The following TNFRSF18 variants were observed in gnomAD, a reference collection of about 807,000 sequenced individuals.
TNFRSF18 encodes the protein TNF receptor superfamily member 18.
Under a neutral mutation model 30.2 loss-of-function variants are expected in TNFRSF18, and 36 were observed. The observed-to-expected ratio is 1.19, with a 90% CI of 0.91 to 1.58. TNFRSF18 has a LOEUF of 1.58. Ranked by LOEUF, TNFRSF18 falls within the 40% of genes most tolerant of loss-of-function variation. The pLI is 0.00. For synonymous variants in TNFRSF18, 173 were observed against 158.3 expected, an observed-to-expected ratio of 1.09 and a Z score of -0.70; for missense variants, 369 against 345.4, an observed-to-expected ratio of 1.07 and a Z score of -0.54.
At chr1:1,204,907 C>T (rs1228441369) in intron 2 of TNFRSF18, among the ~76,000 whole-genome samples, 1 of 152,174 alleles carries the variant, frequency 6.6e-6, no homozygotes, top group East Asian at 1.9e-4. Context: ...CCCAGTTGTA[C>T]CTTCTCCCAG....
Position 1,204,025 on chromosome 1 carries a change from G to C in TNFRSF18, c.601+9C>G. 1 of 1,608,154 alleles carries C rather than the reference G, an allele frequency of 6.2e-7. No individual in the cohort carries two copies. The highest frequency in any genetic ancestry group is 1.1e-5 in the South Asian group (1 of 90,330). On this transcript the variant is annotated intron_variant, in intron 4 of 4. Transcript: ENST00000379268. ...TGCTCCCACCTCCCCGCACCAGGCT[G>C]TGACAGACCTCGGGGCCACATGCAC...
At chr1:1,205,226 A>ATGGCC in intron 2 of TNFRSF18, 144 bp downstream of exon 2, 6 of 1,252,982 alleles carry the variant, frequency 4.8e-6, no homozygotes, top group Non-Finnish European at 5.6e-6. Context: ...GTGCCTGAGC[A>ATGGCC]TGGCCTGGCC....
chr1:1,203,587 C>T lies in TNFRSF18; in HGVS notation c.*257G>A, dbSNP rs776544658. The T allele has an allele frequency of 8.4e-5, 126 of 1,499,950 alleles. No individual in the cohort carries two copies. The highest frequency in any genetic ancestry group is 9.3e-5 in the Non-Finnish European group (105 of 1,133,064). 92.9% of individuals were successfully genotyped at this position (1,499,950 alleles called of 1,614,324 possible). Reference sequence around the variant, plus strand: ...CTGCACACCCACGGACACAGCCTCCCGTCCTAAGACCCCACCCCATCAGGG... The same window carrying T: ...CTGCACACCCACGGACACAGCCTCCTGTCCTAAGACCCCACCCCATCAGGG... On this transcript the variant is annotated 3_prime_UTR_variant, in exon 5 of 5. Coordinates refer to ENST00000379268, the MANE Select transcript of TNFRSF18 (RefSeq NM_004195.3).
In TNFRSF18 at chr1:1,203,629, G is replaced by C. The variant is rs1400227889; in HGVS notation, c.*215C>G. 6.5e-7 allele frequency: 1 copy of C among 1,537,730 alleles called. No homozygotes were observed. Among genetic ancestry groups the C allele is most frequent in the African/African-American group, 1.4e-5 (1 of 73,036 alleles). On this transcript the variant is annotated 3_prime_UTR_variant, in exon 5 of 5. Transcript: ENST00000379268. ...CCATCAGGGCCAGCAAGGGAGGAAG[G>C]GGGCCATGACTGTGTCTCTCTCTCC...
At chr1:1,205,267 ACAC>A in intron 2 of TNFRSF18, 100 bp downstream of exon 2, 5 of 1,526,864 alleles carry the variant, frequency 3.3e-6, no homozygotes, top group Non-Finnish European at 4.4e-6. Context: ...CGGACCCCAC[ACAC>A]CACATGTCCT....
Position 1,203,533 on chromosome 1 carries a change from T to C in TNFRSF18, c.*311A>G, listed in dbSNP as rs3819001. On this transcript the variant is annotated 3_prime_UTR_variant, in exon 5 of 5. Transcript: ENST00000379268. ...TCACTGGACAAGTGTTTATTGAAGG[T>C]CCCCTGCAGCCGGGTCCCGTGCTGG... 0.081 allele frequency: 116,466 copies of C among 1,432,278 alleles called. 9,347 individuals are homozygous for C. Among genetic ancestry groups the C allele is most frequent in the African/African-American group, 0.42 (28,907 of 68,708 alleles). The allele number at this position is 1,432,278 out of a possible 1,614,324, so 88.7% of individuals were successfully genotyped here.
At chr1:1,204,667 C>T (rs532816378) in intron 2 of TNFRSF18, among the ~76,000 whole-genome samples, 181 bp from the exon 3 acceptor site, 68 of 152,146 alleles carry the variant, frequency 4.5e-4, no homozygotes, top group Non-Finnish European at 8.1e-4. Flanking sequence ...GTCTGCCCGT[C>T]CCAGGTGGGG....
intron 2 of TNFRSF18, 70 bp downstream of exon 2, chr1:1,205,300 C>G: frequency 6.4e-7 from 1 of 1,561,718 alleles, no homozygotes; most frequent in Non-Finnish European, 8.7e-7. Flanking sequence ...CCTGTGCCCA[C>G]GAGCTCTGCC....
chr1:1,204,055 T>C lies in TNFRSF18; in HGVS notation c.580A>G (p.Ser194Gly), dbSNP rs1266913762. The C allele has an allele frequency of 4.4e-6, 7 of 1,605,760 alleles. No individual in the cohort carries two copies. The highest frequency in any genetic ancestry group is 5.9e-6 in the Non-Finnish European group (7 of 1,177,002). ...AGACCTCGGGGCCACATGCACTGAC[T>C]CCTCAGCTGCCAGATGTGCAGTCCA... Reference protein sequence around the residue: ...QLGLHIWQLRSQCMWPRETQL... With the variant: ...QLGLHIWQLRGQCMWPRETQL... The change falls in exon 4 of 5, where the codon AGT (serine) becomes GGT (glycine). Residue 194 changes from serine (S) to glycine (G), a missense_variant. Ser to Gly is a moderately conservative substitution (Grantham distance 56). Coordinates refer to ENST00000379268, the MANE Select transcript of TNFRSF18 (RefSeq NM_004195.3).
chr1:1,206,065 G>C (rs960573339), intron 1 of TNFRSF18, among the ~76,000 whole-genome samples: 1 of 152,340 alleles, frequency 6.6e-6, no homozygotes, highest in Middle Eastern at 3.4e-3. Flanking sequence ...AGGGGGCTGG[G>C]CGATGGCCAA....
In TNFRSF18 at chr1:1,203,853, C is replaced by A; in HGVS notation, c.717G>T (p.Leu239=). The change falls in exon 5 of 5, where the codon CTG becomes CTT. Residue 239 remains leucine, a synonymous_variant. Coordinates refer to ENST00000379268, the MANE Select transcript of TNFRSF18 (RefSeq NM_004195.3). Reference sequence around the variant, plus strand: ...CGGAGGACGGCCAGGCTCACACCCACAGGTCTCCCAGCCGCCCCTTCTCCT... The same window carrying A: ...CGGAGGACGGCCAGGCTCACACCCAAAGGTCTCCCAGCCGCCCCTTCTCCT... ...SAEEKGRLGD[L]WV 6.3e-7 allele frequency: 1 copy of A among 1,594,382 alleles called. No individual in the cohort carries two copies. Among genetic ancestry groups the A allele is most frequent in the Non-Finnish European group, 8.5e-7 (1 of 1,175,226 alleles).
In TNFRSF18 at chr1:1,206,559, C is replaced by G. The variant is rs771923143; in HGVS notation, c.13G>C (p.Gly5Arg). The G allele has an allele frequency of 2.7e-6, 4 of 1,506,744 alleles. No individual in the cohort carries two copies. The highest frequency in any genetic ancestry group is 2.6e-5 in the South Asian group (2 of 76,576). The allele number at this position is 1,506,744 out of a possible 1,614,324, so 93.3% of individuals were successfully genotyped here. A position where few individuals can be genotyped will look rare whatever the true frequency, so the allele number is the denominator to read the frequency against. MAQH[G>R]AMGAFRALCG... ...AGGGCCCGAAACGCGCCCATCGCCCCGTGCTGTGCCATGCTCGGGTTTCAA... is the reference window on the plus strand; with the variant it reads ...AGGGCCCGAAACGCGCCCATCGCCCGGTGCTGTGCCATGCTCGGGTTTCAA... Residue 5 changes from glycine to arginine, a missense_variant, in exon 1 of 5, where the codon GGG becomes CGG. Coordinates refer to ENST00000379268, the MANE Select transcript of TNFRSF18 (RefSeq NM_004195.3).
intron 3 of TNFRSF18, 49 bp from the exon 4 acceptor site, chr1:1,204,285 G>T (rs773743251): frequency 1.9e-5 from 30 of 1,593,430 alleles, no homozygotes; most frequent in Non-Finnish European, 2.4e-5. Context: ...CACGGCCTCC[G>T]ATCAGCCCCC....
chr1:1,204,268 C>T (rs370333027), intron 3 of TNFRSF18, 32 bp from the exon 4 acceptor site: 57 of 1,598,620 alleles, frequency 3.6e-5, no homozygotes, highest in Non-Finnish European at 4.4e-5. Context: ...TCCTATCAGC[C>T]CCCGGACACG....
intron 1 of TNFRSF18, 44 bp from the exon 2 acceptor site, chr1:1,205,536 C>G (rs1166996679): frequency 2.5e-6 from 4 of 1,592,040 alleles, no homozygotes; most frequent in Non-Finnish European, 3.4e-6. Flanking sequence ...GGGCTGAGGC[C>G]CCCTCCTCCC....
In TNFRSF18 at chr1:1,203,797, C is replaced by A; in HGVS notation, c.*47G>T. The A allele has an allele frequency of 6.4e-7, 1 of 1,573,356 alleles. No individual in the cohort carries two copies. The highest frequency in any genetic ancestry group is 8.6e-7 in the Non-Finnish European group (1 of 1,165,782). ...AGAGCCCCTGCGGCCTGGGGAGCTC[C>A]TGGGGAGGGGCTGGCTGCGGTCGGT... On this transcript the variant is annotated 3_prime_UTR_variant, in exon 5 of 5. Transcript: ENST00000379268.
At position 1,204,440 on chromosome 1, in the gene TNFRSF18, G is replaced by A. The variant is rs1648711383; in HGVS notation, c.357C>T (p.Thr119=). Residue 119 remains threonine, a synonymous_variant, in exon 3 of 5, where the codon ACC becomes ACT. Coordinates refer to ENST00000379268, the MANE Select transcript of TNFRSF18 (RefSeq NM_004195.3). ...GFQCIDCASG[T]FSGGHEGHCK... ...AGTGGCCTTCGTGGCCCCCGGAGAAGGTCCCCGAGGCACAGTCGATACACT... is the reference window on the plus strand; with the variant it reads ...AGTGGCCTTCGTGGCCCCCGGAGAAAGTCCCCGAGGCACAGTCGATACACT... The A allele has an allele frequency of 6.2e-7, 1 of 1,612,620 alleles. No homozygotes were observed. The highest frequency in any genetic ancestry group is 1.1e-5 in the South Asian group (1 of 91,084).
rs1228284986 is a variant in TNFRSF18, at chr1:1,204,104, G to A, written c.531C>T (p.Val177=). ...CAAGCTGGGCCGAGGTCAGGAGGAG[G>A]ACGCAGGCGGCCACGGCCAGGAGGA... ...TVVLLAVAAC[V]LLLTSAQLGL... Residue 177 remains valine, a synonymous_variant, in exon 4 of 5, where the codon GTC becomes GTT. Transcript: ENST00000379268. The A allele has an allele frequency of 1.2e-6, 2 of 1,610,118 alleles. No homozygotes were observed. The highest frequency in any genetic ancestry group is 2.2e-5 in the South Asian group (2 of 90,614).
Position 1,203,601 on chromosome 1 carries a change from A to C in TNFRSF18, c.*243T>G. On this transcript the variant is annotated 3_prime_UTR_variant, in exon 5 of 5. Transcript: ENST00000379268. ...ACACAGCCTCCCGTCCTAAGACCCC[A>C]CCCCATCAGGGCCAGCAAGGGAGGA... 1.3e-6 allele frequency: 2 copies of C among 1,519,600 alleles called. No homozygotes were observed. The highest frequency in any genetic ancestry group is 1.7e-6 in the Non-Finnish European group (2 of 1,143,108). The allele number at this position is 1,519,600 out of a possible 1,614,324, so 94.1% of individuals were successfully genotyped here.
Sources: gnomAD v4.1 joint callset for allele counts (sites outside exome capture counted in the v4.1 genomes callset) on GRCh38, gnomAD v4.1.1 for gene constraint, MANE v1.5 for transcripts, NCBI Gene and HGNC (gene_info 2026-07-23, HGNC 2026-07-21) for gene names.